The following SLC8A1 variants were observed in gnomAD, a reference collection of about 807,000 sequenced individuals.
SLC8A1 encodes the protein solute carrier family 8 member A1.
A neutral mutation model predicts 68.3 loss-of-function variants in SLC8A1; 18 were observed. The ratio of observed to expected loss-of-function variants is 0.26; its 90% CI spans 0.18 to 0.39. SLC8A1 has a LOEUF of 0.39. Among genes scored for constraint, SLC8A1 ranks in the 10% least tolerant of loss-of-function variants. The pLI is 1.00. For missense variants in SLC8A1, 985 were observed against 1,156.7 expected (o/e 0.85, Z 2.15); for synonymous variants, 475 against 415.5 (o/e 1.14, Z -1.74).
At chr2:40,455,925 C>A (rs1256025653), upstream of SLC8A1, among the ~76,000 whole-genome samples, 3 of 152,220 alleles carry the variant, frequency 2.0e-5, no homozygotes, top group African/African-American at 7.2e-5. Flanking sequence ...CTCTGCATTA[C>A]CGTGGGGTCA....
chr2:40,224,943 A>G (rs1377871633), intron 2 of SLC8A1, among the ~76,000 whole-genome samples: 1 of 152,194 alleles, frequency 6.6e-6, no homozygotes, highest in Non-Finnish European at 1.5e-5. Flanking sequence ...AAGTAGGAAT[A>G]CTGACTCATC....
At chr2:40,222,583 G>A (rs528640485) in intron 2 of SLC8A1, among the ~76,000 whole-genome samples, 2 of 152,230 alleles carry the variant, frequency 1.3e-5, no homozygotes, top group South Asian at 2.1e-4. Flanking sequence ...AGAGTGAACA[G>A]GCAACCTAGA....
At chr2:40,405,129 A>T (rs1489317939) in intron 2 of SLC8A1, among the ~76,000 whole-genome samples, 2 of 152,196 alleles carry the variant, frequency 1.3e-5, no homozygotes, top group Admixed American at 1.3e-4. Flanking sequence ...ACAAGGCAGA[A>T]GGGGAAAAGT....
intron 3 of SLC8A1, among the ~76,000 whole-genome samples, chr2:40,175,667 G>A (rs1205473186): frequency 6.6e-6 from 1 of 151,962 alleles, no homozygotes; most frequent in Admixed American, 6.6e-5. Flanking sequence ...TATGAGTGAG[G>A]CTTCCTCATT....
At chr2:40,378,219 T>G (rs1680560911) in intron 2 of SLC8A1, among the ~76,000 whole-genome samples, 1 of 152,008 alleles carries the variant, frequency 6.6e-6, no homozygotes, top group South Asian at 2.1e-4. Context: ...GGGGAAACAG[T>G]ATATGGAAGG....
At chr2:40,329,004 C>T (rs537303236) in intron 2 of SLC8A1, among the ~76,000 whole-genome samples, 2 of 151,744 alleles carry the variant, frequency 1.3e-5, no homozygotes, top group African/African-American at 2.4e-5. Flanking sequence ...CCCTCCTGGT[C>T]CCTTATGGTT....
intron 6 of SLC8A1, among the ~76,000 whole-genome samples, chr2:40,157,004 C>A (rs453970): frequency 0.11 from 16,680 of 152,154 alleles, 1,048 homozygotes; most frequent in Admixed American, 0.18. Flanking sequence ...GCTTCTTGAG[C>A]AAGTAGTTAC....
chr2:40,222,916 G>C (rs941011964), intron 2 of SLC8A1, among the ~76,000 whole-genome samples: 1 of 152,202 alleles, frequency 6.6e-6, no homozygotes, highest in Non-Finnish European at 1.5e-5. Flanking sequence ...TTACACTTTT[G>C]TTGGGAGTAT....
chr2:40,250,546 C>G lies in SLC8A1; in HGVS notation c.1809-72691G>C, dbSNP rs201128480. On this transcript the variant is annotated intron_variant, in intron 2 of 7. Coordinates refer to ENST00000406785, the Ensembl canonical transcript of SLC8A1. The stretch of plus-strand genomic sequence containing the variant: ...CGTGGGGGGGCGGTGTCAGGAGACT[C>G]GTGTGTTTATAATTCTGATGCCTAT... The G allele has an allele frequency of 8.5e-5, 13 of 152,114 alleles. No homozygotes were observed. The East Asian group carries it at 2.1e-3, about 25-fold the overall frequency. The allele number at this position is 152,114 out of a possible 1,614,324, so 9.4% of individuals were successfully genotyped here.
chr2:40,450,003 G>T (rs1702138589), intron 1 of SLC8A1, among the ~76,000 whole-genome samples: 1 of 152,172 alleles, frequency 6.6e-6, no homozygotes, highest in African/African-American at 2.4e-5. Flanking sequence ...AATTCTTCAA[G>T]CAGGCAGAAT....
chr2:40,229,088 C>G (rs957788361), intron 2 of SLC8A1, among the ~76,000 whole-genome samples: 22 of 151,984 alleles, frequency 1.4e-4, no homozygotes, highest in African/African-American at 5.3e-4. Context: ...AATCTAATAA[C>G]CATAACCATA....
At chr2:40,433,742 CTGATATAA>C (rs1559671807) in intron 1 of SLC8A1, among the ~76,000 whole-genome samples, 1 of 152,142 alleles carries the variant, frequency 6.6e-6, no homozygotes, top group African/African-American at 2.4e-5. Context: ...TTTTCCAAGA[CTGATATAA>C]CTAACTGCTC....
At chr2:40,232,443 T>C (rs535076323) in intron 2 of SLC8A1, among the ~76,000 whole-genome samples, 1 of 151,570 alleles carries the variant, frequency 6.6e-6, no homozygotes, top group Non-Finnish European at 1.5e-5. Context: ...AAGGTTTATA[T>C]AGAGTGGTGT....
At chr2:40,446,856 A>G (rs1371527765) in intron 1 of SLC8A1, among the ~76,000 whole-genome samples, 1 of 152,234 alleles carries the variant, frequency 6.6e-6, no homozygotes, top group Non-Finnish European at 1.5e-5. Flanking sequence ...TGGCACATAA[A>G]AAGTGCTCAA....
At chr2:40,428,422 AC>A in intron 2 of SLC8A1, 50 bp downstream of exon 2, 1 of 1,348,442 alleles carries the variant, frequency 7.4e-7, no homozygotes, top group East Asian at 2.5e-5. Context: ...AACACACTGA[AC>A]CACACACACA....
At chr2:40,241,465 C>G (rs114605395) in intron 2 of SLC8A1, among the ~76,000 whole-genome samples, 49 of 152,138 alleles carry the variant, frequency 3.2e-4, no homozygotes, top group Non-Finnish European at 5.9e-4. Context: ...GTACCCCCTC[C>G]GTCAAAAATA....
At chr2:40,337,621 A>T (rs981129103) in intron 2 of SLC8A1, among the ~76,000 whole-genome samples, 1 of 152,118 alleles carries the variant, frequency 6.6e-6, no homozygotes, top group African/African-American at 2.4e-5. Context: ...TTTTCTCTGT[A>T]TACTTTAACC....
At chr2:40,467,405 G>A (rs922960696) in intron 1 of SLC8A1, among the ~76,000 whole-genome samples, 2 of 152,188 alleles carry the variant, frequency 1.3e-5, no homozygotes, top group Middle Eastern at 3.4e-3. Flanking sequence ...ATGGGGGTGG[G>A]GGTGAAAGTG....
chr2:40,496,197 AC>A (rs1705689521), intron 1 of SLC8A1, among the ~76,000 whole-genome samples: 2 of 152,220 alleles, frequency 1.3e-5, no homozygotes, highest in African/African-American at 4.8e-5. Flanking sequence ...TGGGATGTTC[AC>A]ACTGCTCTAA....
Sources: allele counts gnomAD v4.1 joint callset (sites outside exome capture counted in the v4.1 genomes callset), GRCh38; gene constraint gnomAD v4.1.1; transcripts MANE v1.5; gene names NCBI Gene and HGNC (gene_info 2026-07-23, HGNC 2026-07-21).